The following UBR3 variants were observed in gnomAD, a reference collection of about 807,000 sequenced individuals.
The protein encoded by UBR3 is ubiquitin protein ligase E3 component n-recognin 3.
UBR3 carries 85 observed loss-of-function variants against 243.2 expected under a neutral mutation model. That is an observed-to-expected ratio of 0.35 (90% CI 0.29 to 0.42). UBR3 has a LOEUF of 0.42. Ranked by LOEUF, UBR3 falls within the 10% of genes least tolerant of loss-of-function variation. The pLI is 1.00. For missense variants in UBR3, 1,686 were observed against 2,300.8 expected (o/e 0.73, Z 5.47); for synonymous variants, 748 against 799.8 (o/e 0.94, Z 1.09).
intron 18 of UBR3, among the ~76,000 whole-genome samples, chr2:169,931,220 G>A (rs1048809398): frequency 1.2e-4 from 18 of 151,606 alleles, no homozygotes; most frequent in African/African-American, 4.4e-4. Flanking sequence ...GCTTGGTGGC[G>A]GGCACCTGTA....
At chr2:170,018,628 G>A (rs1041865593) in intron 30 of UBR3, among the ~76,000 whole-genome samples, 1 of 152,178 alleles carries the variant, frequency 6.6e-6, no homozygotes, top group African/African-American at 2.4e-5. Flanking sequence ...GGAATTTAGA[G>A]GTTTGTGATC....
intron 24 of UBR3, among the ~76,000 whole-genome samples, chr2:169,972,576 G>T (rs1270247084): frequency 6.6e-6 from 1 of 152,268 alleles, no homozygotes; most frequent in East Asian, 1.9e-4. Context: ...ATGATCAAGT[G>T]GGTTTCATCC....
At chr2:169,963,237 TC>T (rs1161270229) in intron 24 of UBR3, among the ~76,000 whole-genome samples, 1 of 152,192 alleles carries the variant, frequency 6.6e-6, no homozygotes, top group Non-Finnish European at 1.5e-5. Context: ...AAATAATTAT[TC>T]TGTTTTCAGA....
At chr2:170,010,567 AAAAAAG>A (rs2090053263) in intron 29 of UBR3, among the ~76,000 whole-genome samples, 4 of 152,174 alleles carry the variant, frequency 2.6e-5, no homozygotes, top group African/African-American at 9.6e-5. Context: ...TAACTTACAG[AAAAAAG>A]CTTGCAGTGA....
At chr2:170,052,168 C>A (rs1004467930) in intron 32 of UBR3, among the ~76,000 whole-genome samples, 1 of 152,182 alleles carries the variant, frequency 6.6e-6, no homozygotes, top group African/African-American at 2.4e-5. Flanking sequence ...CCATCACCCT[C>A]TACCTCCAAA....
chr2:169,987,531 GT>G (rs1416967322), intron 25 of UBR3, among the ~76,000 whole-genome samples: 28 of 151,230 alleles, frequency 1.9e-4, no homozygotes. Flanking sequence ...CAAACAGTCT[GT>G]GAATTGGTAT....
chr2:170,004,227 A>G (rs1391438104), intron 27 of UBR3, among the ~76,000 whole-genome samples: 1 of 152,184 alleles, frequency 6.6e-6, no homozygotes, highest in South Asian at 2.1e-4. Flanking sequence ...AGAGGAGAAT[A>G]TAGATTTGAA....
intron 10 of UBR3, among the ~76,000 whole-genome samples, chr2:169,913,749 G>C (rs2085346834): frequency 6.6e-6 from 1 of 151,112 alleles, no homozygotes; most frequent in Non-Finnish European, 1.5e-5. Context: ...AATGACATTA[G>C]GGAATTTATA....
intron 36 of UBR3, among the ~76,000 whole-genome samples, chr2:170,074,187 A>G (rs2091758637): frequency 6.6e-6 from 1 of 152,174 alleles, no homozygotes; most frequent in Non-Finnish European, 1.5e-5. Flanking sequence ...TTTTTAGTGG[A>G]TAAATTAAAG....
At chr2:169,991,582 T>TTAG (rs2089274779) in intron 25 of UBR3, among the ~76,000 whole-genome samples, 1 of 152,024 alleles carries the variant, frequency 6.6e-6, no homozygotes, top group Non-Finnish European at 1.5e-5. Flanking sequence ...ACTCTTTATT[T>TTAG]TATTATTATT....
chr2:169,851,560 A>G (rs1195743890), intron 1 of UBR3, among the ~76,000 whole-genome samples: 1 of 152,174 alleles, frequency 6.6e-6, no homozygotes, highest in Non-Finnish European at 1.5e-5. Context: ...ATAATAGAGA[A>G]TCTTACTCAA....
chr2:169,884,260 A>G (rs2084005968), intron 5 of UBR3, among the ~76,000 whole-genome samples: 2 of 147,806 alleles, frequency 1.4e-5, no homozygotes, highest in Admixed American at 6.8e-5. Flanking sequence ...GGTTCACGCC[A>G]TTCTGCCTCA....
At chr2:169,985,677 T>C (rs1332480787) in intron 24 of UBR3, among the ~76,000 whole-genome samples, 1 of 152,208 alleles carries the variant, frequency 6.6e-6, no homozygotes, top group East Asian at 1.9e-4. Context: ...GTTTGCTAAT[T>C]TCTTTGTGGC....
At chr2:169,875,311 C>T (rs973815031) in intron 2 of UBR3, among the ~76,000 whole-genome samples, 1 of 151,884 alleles carries the variant, frequency 6.6e-6, no homozygotes, top group Non-Finnish European at 1.5e-5. Flanking sequence ...GTATAGGGCC[C>T]ACAGATCAAA....
Position 169,895,213 on chromosome 2 carries a change from A to T in UBR3, c.1138A>T (p.Ser380Cys), listed in dbSNP as rs566514148. 8.5e-6 allele frequency: 13 copies of T among 1,534,494 alleles called. No homozygotes were observed. The East Asian group carries it at 3.2e-4, about 38-fold the overall frequency. ...QSIMDVLKHK[S>C]FLEELLFWTI... Reference sequence around the variant, plus strand: ...CATAATGGATGTTTTGAAGCATAAAAGCTTCCTAGAAGAACTATTATTTTG... The same window carrying T: ...CATAATGGATGTTTTGAAGCATAAATGCTTCCTAGAAGAACTATTATTTTG... Residue 380 changes from serine (S) to cysteine (C), a missense_variant, in exon 7 of 39, where the codon AGC becomes TGC. By Grantham distance (112) the Ser-to-Cys change is moderately radical. Around this residue, in one of 8 missense-constraint regions of UBR3, gnomAD observed 200 missense variants for 231.6 expected, o/e 0.86. Transcript: ENST00000272793.
chr2:169,864,932 A>T (rs2083206547), intron 1 of UBR3, among the ~76,000 whole-genome samples: 1 of 150,456 alleles, frequency 6.6e-6, no homozygotes, highest in African/African-American at 2.4e-5. Flanking sequence ...AAAAAAAAGA[A>T]AGAATTAGCT....
At position 169,851,524 on chromosome 2, in the gene UBR3, G is replaced by A. The variant is rs527891221; in HGVS notation, c.546-20712G>A. On this transcript the variant is annotated intron_variant, in intron 1 of 38. Coordinates refer to ENST00000272793, the MANE Select transcript of UBR3 (RefSeq NM_172070.4). ...AACAGTGTTTGAGGTAGATATTATT[G>A]TCCTCGTTTTTTGGAGAAGTTAAAG... Among the ~76,000 whole-genome samples, 16 of 152,188 alleles carry A rather than the reference G, an allele frequency of 1.1e-4. No individual in the cohort carries two copies. In the South Asian group the frequency reaches 2.3e-3, roughly 22 times the overall value.
At chr2:169,971,728 G>A (rs920762815) in intron 24 of UBR3, among the ~76,000 whole-genome samples, 2 of 151,996 alleles carry the variant, frequency 1.3e-5, no homozygotes, top group African/African-American at 2.4e-5. Flanking sequence ...GGTTACTGTA[G>A]CCAACATACC....
intron 36 of UBR3, chr2:170,077,948 C>T (rs761959583): frequency 9.0e-5 from 50 of 556,634 alleles, no homozygotes; most frequent in Non-Finnish European, 1.6e-4. Flanking sequence ...GACAGAGGGA[C>T]TTTCCATTTT....
Sources: gnomAD v4.1 joint callset for allele counts (sites outside exome capture counted in the v4.1 genomes callset) on GRCh38, gnomAD v4.1.1 for gene constraint, gnomAD v4.1.1 regional missense constraint, MANE v1.5 for transcripts, NCBI Gene and HGNC (gene_info 2026-07-23, HGNC 2026-07-21) for gene names.